COBL: variants seen among roughly 807,000 people sequenced by gnomAD.
The protein encoded by COBL is cordon-bleu WH2 repeat protein, also known as protein cordon-bleu.
In COBL, 51 loss-of-function variants were observed where a neutral mutation model predicts 98.8. The ratio of observed to expected loss-of-function variants is 0.52; its 90% confidence interval spans 0.41 to 0.65. The LOEUF (loss-of-function observed/expected upper bound fraction) is 0.65. COBL is among the 30% of genes least tolerant of loss of function. COBL has a pLI of 0.00. For missense variants in COBL, 1,617 were observed against 1,617.5 expected (o/e 1.00, Z 0.01); for synonymous variants, 634 against 651.7 (o/e 0.97, Z 0.41).
At chr7:51,093,383 T>C (rs1794988382) in intron 6 of COBL, among the ~76,000 whole-genome samples, 1 of 152,166 alleles carries the variant, frequency 6.6e-6, no homozygotes, top group Admixed American at 6.5e-5. Flanking sequence ...GAATGAACCC[T>C]TGTGTATTGT....
intron 1 of COBL, among the ~76,000 whole-genome samples, chr7:51,289,940 G>T (rs1800730021): frequency 6.6e-6 from 1 of 152,162 alleles, no homozygotes; most frequent in Non-Finnish European, 1.5e-5. Context: ...TCTTTGGCCT[G>T]GTTTCCTGTG....
intron 1 of COBL, among the ~76,000 whole-genome samples, chr7:51,309,834 AG>A (rs1181353031): frequency 1.3e-5 from 2 of 152,216 alleles, no homozygotes; most frequent in East Asian, 1.9e-4. Flanking sequence ...AGTGGGTCAG[AG>A]GGGCAAGTAA....
intron 1 of COBL, among the ~76,000 whole-genome samples, chr7:51,243,796 G>T (rs902582706): frequency 1.3e-5 from 2 of 151,938 alleles, no homozygotes; most frequent in African/African-American, 4.8e-5. Context: ...AGGTCTTGGG[G>T]TGAAGGAGCG....
intron 8 of COBL, chr7:51,032,448 T>C (rs1788258817): frequency 6.6e-6 from 1 of 152,248 alleles, no homozygotes; most frequent in South Asian, 2.1e-4. Flanking sequence ...TTTCCGCTGA[T>C]TGTTAAAAAT....
At chr7:51,234,690 G>C (rs1269092818) in intron 1 of COBL, among the ~76,000 whole-genome samples, 1 of 131,114 alleles carries the variant, frequency 7.6e-6, no homozygotes, top group Non-Finnish European at 1.6e-5. Flanking sequence ...GACAGATCAA[G>C]GCCCTGTTTC....
At chr7:51,279,408 A>G (rs1584390413) in intron 1 of COBL, among the ~76,000 whole-genome samples, 1 of 152,224 alleles carries the variant, frequency 6.6e-6, no homozygotes, top group South Asian at 2.1e-4. Flanking sequence ...ATTTTTAACT[A>G]TATTCACCAG....
At chr7:51,310,935 C>T (rs1333119619) in intron 1 of COBL, among the ~76,000 whole-genome samples, 2 of 151,224 alleles carry the variant, frequency 1.3e-5, no homozygotes, top group African/African-American at 4.9e-5. Flanking sequence ...GGATTACAGG[C>T]GTAAGCCACT....
At chr7:51,203,472 A>C (rs1237026370) in intron 2 of COBL, among the ~76,000 whole-genome samples, 1 of 148,462 alleles carries the variant, frequency 6.7e-6, no homozygotes, top group Non-Finnish European at 1.5e-5. Flanking sequence ...AAAAAAAAAA[A>C]AAAAAAAAAA....
chr7:51,129,318 AG>A (rs1171721501), intron 6 of COBL, among the ~76,000 whole-genome samples: 2 of 151,728 alleles, frequency 1.3e-5, no homozygotes, highest in Non-Finnish European at 2.9e-5. Flanking sequence ...ACATGGTGGA[AG>A]GGGCGGGGGA....
chr7:51,166,653 A>G (rs1787345029), intron 5 of COBL, among the ~76,000 whole-genome samples: 1 of 152,152 alleles, frequency 6.6e-6, no homozygotes, highest in South Asian at 2.1e-4. Context: ...ACATCAACAA[A>G]AGAAAACTAC....
chr7:51,148,069 T>C (rs1785206612), intron 5 of COBL, among the ~76,000 whole-genome samples: 1 of 152,224 alleles, frequency 6.6e-6, no homozygotes, highest in African/African-American at 2.4e-5. Context: ...GCCACATTGA[T>C]TTATTACGGC....
intron 1 of COBL, among the ~76,000 whole-genome samples, chr7:51,299,144 C>T (rs905623225): frequency 4.6e-5 from 7 of 152,094 alleles, no homozygotes; most frequent in Admixed American, 2.6e-4. Flanking sequence ...AGCCACACAA[C>T]GTTCCAAGTC....
At chr7:51,291,099 G>GAA (rs1428735972) in intron 1 of COBL, among the ~76,000 whole-genome samples, 1 of 152,234 alleles carries the variant, frequency 6.6e-6, no homozygotes, top group Non-Finnish European at 1.5e-5. Flanking sequence ...AAGGAAAGCA[G>GAA]AAATCCCTGT....
At chr7:51,254,239 G>A (rs1213152694) in intron 1 of COBL, among the ~76,000 whole-genome samples, 1 of 151,892 alleles carries the variant, frequency 6.6e-6, no homozygotes, top group Non-Finnish European at 1.5e-5. Flanking sequence ...CACTTTTATG[G>A]CTGATGTAAA....
In COBL at chr7:51,043,458, A is replaced by C. The variant is rs1456499746; in HGVS notation, c.1331T>G (p.Leu444Arg). The stretch of plus-strand genomic sequence containing the variant: ...GGGACCCAGGTCTGGGGTTCCAGCG[A>C]GGTCCTGGTCACTGCAGTCTTCCTG... Reference protein sequence around the residue: ...TDQEDCSDQDLAGTPDLGPQK... With the variant: ...TDQEDCSDQDRAGTPDLGPQK... Residue 444 changes from leucine to arginine, a missense_variant, in exon 8 of 13, where the codon CTC becomes CGC. Physicochemically the swap from Leu to Arg is moderately radical, Grantham distance 102. This residue lies in a region of COBL where 1,304 missense variants were observed against 1,282.0 expected (regional missense o/e 1.02). Transcript: ENST00000265136. The C allele has an allele frequency of 6.2e-7, 1 of 1,614,060 alleles. No individual in the cohort carries two copies. Among genetic ancestry groups the C allele is most frequent in the African/African-American group, 1.3e-5 (1 of 74,918 alleles).
chr7:51,156,667 T>C, intron 5 of COBL: 1 of 799,722 alleles, frequency 1.3e-6, no homozygotes, highest in Non-Finnish European at 1.5e-6. Flanking sequence ...AAACACACAT[T>C]TCCAATGTAC....
chr7:51,231,339 G>A (rs148499125), intron 1 of COBL, among the ~76,000 whole-genome samples: 9 of 152,296 alleles, frequency 5.9e-5, no homozygotes, highest in African/African-American at 2.2e-4. Context: ...AAAAAGAAGT[G>A]TCTCCATGGC....
At chr7:51,290,239 A>G in intron 1 of COBL, among the ~76,000 whole-genome samples, 1 of 152,224 alleles carries the variant, frequency 6.6e-6, no homozygotes, top group East Asian at 1.9e-4. Context: ...AGTGGCATAA[A>G]TTATGTGCTA....
intron 7 of COBL, among the ~76,000 whole-genome samples, chr7:51,079,267 T>A (rs992277372): frequency 2.6e-5 from 4 of 152,032 alleles, no homozygotes; most frequent in African/African-American, 9.7e-5. Context: ...CTGCAACAGG[T>A]CTTTGATGCA....
Sources: gnomAD v4.1 joint callset for allele counts (sites outside exome capture counted in the v4.1 genomes callset) on GRCh38, gnomAD v4.1.1 for gene constraint, gnomAD v4.1.1 regional missense constraint, MANE v1.5 for transcripts, NCBI Gene and HGNC (gene_info 2026-07-23, HGNC 2026-07-21) for gene names.